ZNF219: variants seen among roughly 807,000 people sequenced by gnomAD.
The protein encoded by ZNF219 is zinc finger protein 219.
ZNF219 carries 17 observed loss-of-function variants against 54.4 expected under a neutral mutation model. The ratio of observed to expected loss-of-function variants is 0.31; its 90% confidence interval spans 0.21 to 0.47. The LOEUF (loss-of-function observed/expected upper bound fraction) is 0.47, where lower values mean the gene tolerates loss of function less well. Among genes scored for constraint, ZNF219 ranks in the 20% least tolerant of loss-of-function variants. The pLI is 1.00. For missense variants in ZNF219, 1,014 were observed against 1,062.3 expected (o/e 0.95, Z 0.63); for synonymous variants, 518 against 476.4 (o/e 1.09, Z -1.14).
chr14:21,092,016 C>T lies in ZNF219; in HGVS notation c.1281G>A (p.Glu427=), dbSNP rs1164988811. Reference sequence around the variant, plus strand: ...CGGCCTCCACCACCTCCTCTTCTTCCTCAGGCTCCTCCGCACGGTGCCGGC... The same window carrying T: ...CGGCCTCCACCACCTCCTCTTCTTCTTCAGGCTCCTCCGCACGGTGCCGGC... The part of the protein sequence containing the change: ...RARRHRAEEP[E]EEEEVVEAEE... The change falls in exon 3 of 5, where the codon GAG becomes GAA. Residue 427 remains glutamate (E), a synonymous_variant. Coordinates refer to ENST00000360947, the MANE Select transcript of ZNF219 (RefSeq NM_016423.3). The T allele has an allele frequency of 6.4e-7, 1 of 1,553,576 alleles. No individual in the cohort carries two copies. The highest frequency in any genetic ancestry group is 8.7e-7 in the Non-Finnish European group (1 of 1,148,966).
upstream of ZNF219, among the ~76,000 whole-genome samples, chr14:21,099,813 A>G (rs977395639): frequency 6.6e-6 from 1 of 152,190 alleles, no homozygotes; most frequent in African/African-American, 2.4e-5. Context: ...TGCCAAGGGC[A>G]CCTAGGTAGA....
chr14:21,090,335 C>A lies in ZNF219; in HGVS notation c.*201G>T. On this transcript the variant is annotated 3_prime_UTR_variant, in exon 5 of 5. Coordinates refer to ENST00000360947, the MANE Select transcript of ZNF219 (RefSeq NM_016423.3). This position sits in a 1 kb window ranked among gnomAD's most constrained non-coding sequence, Gnocchi z 4.4. Reference sequence around the variant, plus strand: ...TCTTTGACCCTCACCTCTGCCACTTCTAAGGCACTGTGACTCCCTTGGGCT... The same window carrying A: ...TCTTTGACCCTCACCTCTGCCACTTATAAGGCACTGTGACTCCCTTGGGCT... 1 of 753,292 alleles carries A rather than the reference C, an allele frequency of 1.3e-6. No individual in the cohort carries two copies. The highest frequency in any genetic ancestry group is 2.7e-5 in the East Asian group (1 of 37,396). The allele number at this position is 753,292 out of a possible 1,614,324, so 46.7% of individuals were successfully genotyped here.
chr14:21,090,967 G>C lies in ZNF219; in HGVS notation c.1738C>G (p.Pro580Ala). The C allele has an allele frequency of 6.4e-7, 1 of 1,551,996 alleles. No individual in the cohort carries two copies. ...ACCCAGGTCGCAGGCTGCGGAGACG[G>C]CTTGGCTCCAGATTGCGGGGCCGAA... ...RGSAPQSGAKPSPQPATWVEG... is the reference protein window; with the variant it reads ...RGSAPQSGAKASPQPATWVEG... Residue 580 changes from proline to alanine, a missense_variant, in exon 5 of 5, where the codon CCG becomes GCG. Physicochemically the swap from Pro to Ala is conservative, Grantham distance 27. Transcript: ENST00000360947. This position sits in a 1 kb window ranked among gnomAD's most constrained non-coding sequence, Gnocchi z 4.4.
At position 21,090,276 on chromosome 14, in the gene ZNF219, A is replaced by G. The variant is rs1594590282; in HGVS notation, c.*260T>C. ...CTGGCAGAGTGGCTCCTCAACAGGG[A>G]CACAAACCTTCTCTGCCAGCCCAGG... On this transcript the variant is annotated 3_prime_UTR_variant, in exon 5 of 5. Transcript: ENST00000360947. The surrounding 1 kb of genome is among the most constrained non-coding windows in gnomAD (Gnocchi z 4.4). 1.5e-6 allele frequency: 1 copy of G among 687,592 alleles called. No individual in the cohort carries two copies. The highest frequency in any genetic ancestry group is 2.8e-5 in the East Asian group (1 of 35,634). The allele number at this position is 687,592 out of a possible 1,614,324, so 42.6% of individuals were successfully genotyped here.
Position 21,092,084 on chromosome 14 carries a change from C to T in ZNF219, c.1213G>A (p.Gly405Arg). 6.5e-7 allele frequency: 1 copy of T among 1,537,306 alleles called. No homozygotes were observed. The highest frequency in any genetic ancestry group is 8.8e-7 in the Non-Finnish European group (1 of 1,141,978). Residue 405 changes from glycine to arginine, a missense_variant, in exon 3 of 5, where the codon GGA (glycine) becomes AGA (arginine). Gly to Arg is a moderately radical substitution (Grantham distance 125). Around this residue, in one of 5 missense-constraint regions of ZNF219, gnomAD observed 272 missense variants for 248.9 expected, o/e 1.09. Coordinates refer to ENST00000360947, the MANE Select transcript of ZNF219 (RefSeq NM_016423.3). ...GAEPGPGRSF[G>R]GFRPLSSALP... is the part of the protein sequence containing the mutation. ...GCAGAGGACAGCGGGCGGAAGCCTC[C>T]GAAGCTGCGGCCGGGACCGGGCTCA...
intron 3 of ZNF219, 50 bp downstream of exon 3, chr14:21,091,815 G>A (rs765776119): frequency 2.0e-6 from 3 of 1,483,156 alleles, no homozygotes; most frequent in African/African-American, 2.8e-5. Context: ...GGCGGCGTAA[G>A]AGTCAGAGGA....
upstream of ZNF219, among the ~76,000 whole-genome samples, chr14:21,100,374 T>C (rs1889558022): frequency 1.3e-5 from 2 of 151,254 alleles, no homozygotes; most frequent in South Asian, 4.2e-4. Flanking sequence ...AATAATATAA[T>C]AATAATAATA....
chr14:21,093,508 C>T (rs1889100479), intron 2 of ZNF219, 78 bp downstream of exon 2: 1 of 1,532,002 alleles, frequency 6.5e-7, no homozygotes, highest in African/African-American at 1.4e-5. Context: ...AATGGGAGGT[C>T]AAAGAGAGAG....
chr14:21,102,754 G>A, upstream of ZNF219: 1 of 1,550,914 alleles, frequency 6.4e-7, no homozygotes, highest in African/African-American at 1.4e-5. Context: ...AGGAGCCAGA[G>A]TCTGCACTAT....
chr14:21,094,563 G>A (rs1889173445), intron 1 of ZNF219: 1 of 371,622 alleles, frequency 2.7e-6, no homozygotes, highest in African/African-American at 2.1e-5. Flanking sequence ...GCTGGAGTGA[G>A]GGACGGGGGG....
Position 21,091,496 on chromosome 14 carries a change from C to T in ZNF219, c.1479G>A (p.Arg493=). 3 of 1,609,832 alleles carry T rather than the reference C, an allele frequency of 1.9e-6. No individual in the cohort carries two copies. The highest frequency in any genetic ancestry group is 1.7e-5 in the Admixed American group (1 of 59,960). ...AAGGACAATCCTTGCCGGTGGCGCC[C>T]CGGCCCCCTTCAGGCCGGGTCCCTC... is the stretch of plus-strand genomic sequence containing the variant. ...LVGGTRPEGG[R]GATGKDCPFC... is the part of the protein sequence containing the mutation. Residue 493 remains arginine (R), a synonymous_variant, in exon 4 of 5, where the codon CGG becomes CGA. Transcript: ENST00000360947.
chr14:21,091,037 G>A lies in ZNF219; in HGVS notation c.1668C>T (p.Ala556=), dbSNP rs1167186213. 6 of 1,554,418 alleles carry A rather than the reference G, an allele frequency of 3.9e-6. No individual in the cohort carries two copies. The East Asian group carries it at 7.1e-5, about 19-fold the overall frequency. ...GTGGCTCCGGGGGTGGCCCGGGGCC[G>A]GCCCCGCTCCTCTGCTCCCGGTGGT... The part of the protein sequence containing the change: ...QRHHREQRSG[A]GPGPPPEPPP... The change falls in exon 5 of 5, where the codon GCC becomes GCT. Residue 556 remains alanine (A), a synonymous_variant. Coordinates refer to ENST00000360947, the MANE Select transcript of ZNF219 (RefSeq NM_016423.3).
At position 21,090,206 on chromosome 14, in the gene ZNF219, C is replaced by A; in HGVS notation, c.*330G>T. ...AAGGGTACAGTGCCCCCCACCCTCA[C>A]CCCTTGTACAAAAATAAACTCTCAC... On this transcript the variant is annotated 3_prime_UTR_variant, in exon 5 of 5. Transcript: ENST00000360947. The surrounding 1 kb of genome is among the most constrained non-coding windows in gnomAD (Gnocchi z 4.4). The A allele has an allele frequency of 3.5e-6, 2 of 572,078 alleles. No homozygotes were observed. Among genetic ancestry groups the A allele is most frequent in the South Asian group, 3.0e-5 (2 of 65,596 alleles). 35.4% of individuals were successfully genotyped at this position (572,078 alleles called of 1,614,324 possible). A position where few individuals can be genotyped will look rare whatever the true frequency, so the allele number is the denominator to read the frequency against.
Position 21,090,497 on chromosome 14 carries a change from C to T in ZNF219, c.*39G>A. ...TACCTCTAGCGCTCCCCCGCTCCGG[C>T]GGGGTAAGCTCACTAAGCTAATCGC... On this transcript the variant is annotated 3_prime_UTR_variant, in exon 5 of 5. Transcript: ENST00000360947. This position sits in a 1 kb window ranked among gnomAD's most constrained non-coding sequence, Gnocchi z 4.4. 1.9e-6 allele frequency: 3 copies of T among 1,544,588 alleles called. No homozygotes were observed. Among genetic ancestry groups the T allele is most frequent in the African/African-American group, 1.4e-5 (1 of 72,922 alleles).
intron 4 of ZNF219, 32 bp downstream of exon 4, chr14:21,091,379 C>G: frequency 6.3e-7 from 1 of 1,579,714 alleles, no homozygotes; most frequent in Non-Finnish European, 8.7e-7. Flanking sequence ...CGCCCCCAGT[C>G]CCCTCTCCAC....
upstream of ZNF219, chr14:21,102,201 C>G (rs1889685605): frequency 2.0e-6 from 3 of 1,476,870 alleles, no homozygotes; most frequent in Admixed American, 4.4e-5. Context: ...AAGTAAGTGG[C>G]TAAGTGTTGA....
Position 21,098,546 on chromosome 14 carries a change from G to A in ZNF219, c.-318C>T. The A allele has an allele frequency of 2.0e-6, 2 of 988,802 alleles. No individual in the cohort carries two copies. The highest frequency in any genetic ancestry group is 2.4e-6 in the Non-Finnish European group (2 of 832,266). 61.3% of individuals were successfully genotyped at this position (988,802 alleles called of 1,614,324 possible). A position where few individuals can be genotyped will look rare whatever the true frequency, so the allele number is the denominator to read the frequency against. On this transcript the variant is annotated 5_prime_UTR_variant, in exon 1 of 5. Transcript: ENST00000360947. ...TTAGCATGCGGGGGGCGGCGCGGCGGGGCTGGGAGCCGCGCGGGAGCCGGG... is the reference window on the plus strand; with the variant it reads ...TTAGCATGCGGGGGGCGGCGCGGCGAGGCTGGGAGCCGCGCGGGAGCCGGG...
Position 21,090,110 on chromosome 14 carries a change from C to T in ZNF219, c.*426G>A, listed in dbSNP as rs1001941964. The T allele has an allele frequency of 4.9e-6, 2 of 410,844 alleles. No homozygotes were observed. Among genetic ancestry groups the T allele is most frequent in the Non-Finnish European group, 9.9e-6 (2 of 201,824 alleles). 25.4% of individuals were successfully genotyped at this position (410,844 alleles called of 1,614,324 possible). The stretch of plus-strand genomic sequence containing the variant: ...TCAAGACACCTGTTTATTGGGGACA[C>T]GACTCTGCAATAGGGATGACAGGAA... On this transcript the variant is annotated 3_prime_UTR_variant, in exon 5 of 5. Transcript: ENST00000360947. This position sits in a 1 kb window ranked among gnomAD's most constrained non-coding sequence, Gnocchi z 4.4.
chr14:21,091,808 G>A (rs761202490), intron 3 of ZNF219, 57 bp downstream of exon 3: 582 of 1,479,676 alleles, frequency 3.9e-4, no homozygotes, highest in Non-Finnish European at 4.8e-4. Flanking sequence ...AGGGAGTGGC[G>A]GCGTAAGAGT....
Sources: gnomAD v4.1 joint callset for allele counts (sites outside exome capture counted in the v4.1 genomes callset) on GRCh38, gnomAD v4.1.1 for gene constraint, gnomAD v4.1.1 regional missense constraint, Gnocchi (gnomAD v3.1) non-coding constraint, MANE v1.5 for transcripts, NCBI Gene and HGNC (gene_info 2026-07-23, HGNC 2026-07-21) for gene names.